The following KDM7A variants were observed in gnomAD, a reference collection of about 807,000 sequenced individuals.
The protein encoded by KDM7A is lysine-specific demethylase 7A.
KDM7A carries 28 observed loss-of-function variants against 114.8 expected under a neutral mutation model. That is an observed-to-expected ratio of 0.24 (90% CI 0.18 to 0.33). KDM7A has a LOEUF of 0.33. Among genes scored for constraint, KDM7A ranks in the 10% least tolerant of loss-of-function variants. The pLI, the probability that KDM7A is intolerant of heterozygous loss-of-function variation, is 1.00. For missense variants in KDM7A, 942 were observed against 1,142.5 expected (o/e 0.82, Z 2.53); for synonymous variants, 423 against 397.8 (o/e 1.06, Z -0.75).
In KDM7A at chr7:140,126,228, T is replaced by G. The variant is rs148329362; in HGVS notation, c.888+409A>C. Among the ~76,000 whole-genome samples the G allele has an allele frequency of 5.9e-5, 9 of 152,260 alleles. No individual in the cohort carries two copies. The East Asian group carries it at 1.7e-3, about 29-fold the overall frequency. On this transcript the variant is annotated intron_variant, in intron 6 of 19. Transcript: ENST00000397560. Reference sequence around the variant, plus strand: ...ACCCAGCCAAGAACTGGTATTTTTATAGGCATTCCTGACTTATCCAACAAG... The same window carrying G: ...ACCCAGCCAAGAACTGGTATTTTTAGAGGCATTCCTGACTTATCCAACAAG...
intron 18 of KDM7A, among the ~76,000 whole-genome samples, chr7:140,092,748 A>C (rs749586056): frequency 5.3e-5 from 8 of 152,236 alleles, no homozygotes; most frequent in Admixed American, 5.2e-4. Context: ...TCATTATGCT[A>C]ATCATCCATC....
intron 1 of KDM7A, among the ~76,000 whole-genome samples, chr7:140,156,082 T>C (rs946011928): frequency 6.6e-6 from 1 of 152,206 alleles, no homozygotes; most frequent in African/African-American, 2.4e-5. Flanking sequence ...ATGGGAGGTT[T>C]CTAGTGTTTT....
rs1818028464 is a variant in KDM7A at position 140,091,991 on chromosome 7, G to A, written c.2544C>T (p.Ser848=). The change falls in exon 19 of 20, where the codon AGC becomes AGT. Residue 848 remains serine (S), a synonymous_variant. Transcript: ENST00000397560. ...TTCCATTCTGAAGGCTTGAGCCGCT[G>A]CTGTCCACATAATTCCTACTTTGTA... is the stretch of plus-strand genomic sequence containing the variant. ...QRVQSRNYVD[S]SGSSLQNGKY... is the part of the protein sequence containing the mutation. 2 of 1,613,940 alleles carry A rather than the reference G, an allele frequency of 1.2e-6. No homozygotes were observed. Among genetic ancestry groups the A allele is most frequent in the Admixed American group, 1.7e-5 (1 of 59,992 alleles).
In KDM7A at chr7:140,096,859, C is replaced by T. The variant is rs753803020; in HGVS notation, c.2165+40G>A. 12 of 1,598,728 alleles carry T rather than the reference C, an allele frequency of 7.5e-6. No homozygotes were observed. In the African/African-American group the frequency reaches 1.5e-4, roughly 20 times the overall value. On this transcript the variant is annotated intron_variant, in intron 16 of 19. Coordinates refer to ENST00000397560, the MANE Select transcript of KDM7A (RefSeq NM_030647.2). ...TAAAAAAAGTGTTCATAGTATTTAC[C>T]TTACAATATAATAAGACTTACTACT...
chr7:140,155,918 G>A (rs1027293895), intron 1 of KDM7A, among the ~76,000 whole-genome samples: 12 of 152,180 alleles, frequency 7.9e-5, no homozygotes, highest in African/African-American at 2.9e-4. Flanking sequence ...CATTTCACAA[G>A]TAGAACTATC....
intron 3 of KDM7A, among the ~76,000 whole-genome samples, chr7:140,131,097 G>A (rs1197062763): frequency 2.6e-5 from 4 of 151,836 alleles, no homozygotes; most frequent in South Asian, 2.1e-4. Context: ...TTGATCTCCC[G>A]AGCTCATGAT....
intron 1 of KDM7A, among the ~76,000 whole-genome samples, chr7:140,139,460 T>A: frequency 6.6e-6 from 1 of 152,138 alleles, no homozygotes; most frequent in East Asian, 1.9e-4. Context: ...CATAAAATCC[T>A]CAACCATTAT....
At chr7:140,097,727 C>A in intron 14 of KDM7A, 85 bp from the exon 15 acceptor site, 1 of 738,196 alleles carries the variant, frequency 1.4e-6, no homozygotes, top group Non-Finnish European at 2.4e-6. Flanking sequence ...AAAGTCCACC[C>A]AGCTTGTGAT....
intron 3 of KDM7A, among the ~76,000 whole-genome samples, chr7:140,130,087 A>G (rs1818761830): frequency 6.6e-6 from 1 of 152,168 alleles, no homozygotes; most frequent in Admixed American, 6.5e-5. Context: ...AATATTCCAA[A>G]AGAAAAAAAA....
At chr7:140,127,992 T>C (rs1340578252) in intron 4 of KDM7A, among the ~76,000 whole-genome samples, 1 of 152,174 alleles carries the variant, frequency 6.6e-6, no homozygotes, top group African/African-American at 2.4e-5. Flanking sequence ...CCTTTCACTT[T>C]TGTAACACCT....
At chr7:140,154,870 A>G (rs1436934801) in intron 1 of KDM7A, among the ~76,000 whole-genome samples, 1 of 152,184 alleles carries the variant, frequency 6.6e-6, no homozygotes, top group Non-Finnish European at 1.5e-5. Context: ...TTTTATAATT[A>G]TAAGTGTTAC....
Position 140,101,951 on chromosome 7 carries a change from C to T in KDM7A, c.1638G>A (p.Glu546=). 3.1e-6 allele frequency: 5 copies of T among 1,600,728 alleles called. No homozygotes were observed. The highest frequency in any genetic ancestry group is 3.4e-6 in the Non-Finnish European group (4 of 1,168,124). ...TGTTGTCATGAAACATAATACTTGC[C>T]TCTTCCCATGGACACATCTCTAATC... ...LKRLEMCPWE[E]DILSSKLNGK... The change falls in exon 12 of 20, where the codon GAG becomes GAA. Residue 546 remains glutamate, a splice_region_variant and synonymous_variant. Coordinates refer to ENST00000397560, the MANE Select transcript of KDM7A (RefSeq NM_030647.2).
chr7:140,111,823 G>A (rs796855830), intron 10 of KDM7A, among the ~76,000 whole-genome samples: 8 of 151,998 alleles, frequency 5.3e-5, no homozygotes, highest in African/African-American at 1.9e-4. Flanking sequence ...GCCAGGCGTG[G>A]AATCCCAGCT....
chr7:140,125,552 T>C (rs1435589592), intron 6 of KDM7A, among the ~76,000 whole-genome samples: 2 of 152,236 alleles, frequency 1.3e-5, no homozygotes, highest in Non-Finnish European at 2.9e-5. Flanking sequence ...TGAATATAAA[T>C]TGCAAATAAC....
rs1007603480 is a variant in KDM7A at position 140,085,336 on chromosome 7, C to T, written c.*5758G>A. On this transcript the variant is annotated 3_prime_UTR_variant, in exon 20 of 20. Coordinates refer to ENST00000397560, the MANE Select transcript of KDM7A (RefSeq NM_030647.2). The stretch of plus-strand genomic sequence containing the variant: ...GTAAATACCAGAGCCAACAACTGTC[C>T]CCTCTCCAAAGTTCACAGATTTGAA... The T allele has an allele frequency of 3.3e-5, 5 of 152,092 alleles. No homozygotes were observed. The highest frequency in any genetic ancestry group is 1.2e-4 in the African/African-American group (5 of 41,402). The allele number at this position is 152,092 out of a possible 1,614,324, so 9.4% of individuals were successfully genotyped here. A position where few individuals can be genotyped will look rare whatever the true frequency, so the allele number is the denominator to read the frequency against.
At chr7:140,095,489 A>C (rs1329104953) in intron 17 of KDM7A, 1 of 157,484 alleles carries the variant, frequency 6.3e-6, no homozygotes, top group Non-Finnish European at 1.4e-5. Flanking sequence ...AATAATAGTT[A>C]CATGAAGTAC....
At chr7:140,162,305 A>G (rs1011101850) in intron 1 of KDM7A, among the ~76,000 whole-genome samples, 2 of 151,390 alleles carry the variant, frequency 1.3e-5, no homozygotes, top group African/African-American at 4.9e-5. Flanking sequence ...ATTGCACTCC[A>G]GCCTGGGCAA....
chr7:140,151,050 C>T (rs938688224), intron 1 of KDM7A, among the ~76,000 whole-genome samples: 2 of 152,034 alleles, frequency 1.3e-5, no homozygotes, highest in Non-Finnish European at 1.5e-5. Context: ...AGGCTGGTTT[C>T]GAACTCTTGA....
chr7:140,114,739 CCGCCCATCGTCTGAG>C (rs1331453958), intron 9 of KDM7A, among the ~76,000 whole-genome samples: 1 of 151,686 alleles, frequency 6.6e-6, no homozygotes, highest in East Asian at 2.0e-4. Flanking sequence ...CTCTGCCCGG[CCGCCCATCGTCTGAG>C]ATGTGGGGAG....
Sources: gnomAD v4.1 joint callset for allele counts (sites outside exome capture counted in the v4.1 genomes callset) on GRCh38, gnomAD v4.1.1 for gene constraint, MANE v1.5 for transcripts, NCBI Gene and HGNC (gene_info 2026-07-23, HGNC 2026-07-21) for gene names.